Variants in AGBL4 observed in about 807,000 individuals in gnomAD.
AGBL4 encodes the protein cytosolic carboxypeptidase 6.
A neutral mutation model predicts 66.4 loss-of-function variants in AGBL4; 58 were observed. The observed-to-expected ratio is 0.87, with a 90% confidence interval of 0.71 to 1.09. The LOEUF is 1.09. Ranked by LOEUF, AGBL4 falls within the 50% of genes least tolerant of loss-of-function variation. The pLI is 0.00. For synonymous variants in AGBL4, 234 were observed against 222.9 expected (o/e 1.05, Z -0.44); for missense variants, 579 against 631.0 (o/e 0.92, Z 0.88).
At chr1:49,065,940 T>C (rs186177866) in intron 4 of AGBL4, among the ~76,000 whole-genome samples, 1 of 152,290 alleles carries the variant, frequency 6.6e-6, no homozygotes, top group East Asian at 1.9e-4. Flanking sequence ...AAGAGGATGG[T>C]TCTGACAGTA....
At chr1:48,730,831 C>T (rs961380911) in intron 6 of AGBL4, among the ~76,000 whole-genome samples, 12 of 152,034 alleles carry the variant, frequency 7.9e-5, no homozygotes, top group African/African-American at 2.2e-4. Flanking sequence ...AAAAATTAAC[C>T]GGAACGCAAT....
At chr1:48,687,437 C>T (rs111760420) in intron 6 of AGBL4, among the ~76,000 whole-genome samples, 1,569 of 152,286 alleles carry the variant, frequency 0.01, 28 homozygotes, top group African/African-American at 0.036. Flanking sequence ...GTCTGTGCTG[C>T]GGCACCCCCA....
chr1:49,422,492 A>C (rs1645567311), intron 3 of AGBL4, among the ~76,000 whole-genome samples: 2 of 152,220 alleles, frequency 1.3e-5, no homozygotes, highest in African/African-American at 4.8e-5. Context: ...GATTTTGAAA[A>C]TTGGGCAATA....
rs565821236 is a variant in AGBL4 at position 49,485,073 on chromosome 1, G to A, written c.282+212240C>T. On this transcript the variant is annotated intron_variant, in intron 3 of 13. Transcript: ENST00000371839. ...GCGATTCCTCAGGGATCTAGAACTAGAAATACCATTTGACCCAGCCATCCC... is the reference window on the plus strand; with the variant it reads ...GCGATTCCTCAGGGATCTAGAACTAAAAATACCATTTGACCCAGCCATCCC... 6.9e-3 allele frequency among the ~76,000 whole-genome samples: 1,049 copies of A among 152,024 alleles called. 13 individuals carry two copies. Among genetic ancestry groups the A allele is most frequent in the African/African-American group, 0.024 (977 of 41,512 alleles).
chr1:48,527,067 G>A, the AGBL4 span, among the ~76,000 whole-genome samples: 1 of 152,280 alleles, frequency 6.6e-6, no homozygotes, highest in South Asian at 2.1e-4. Flanking sequence ...GAGAGGTTGA[G>A]GCTTTGGGAA....
intron 1 of AGBL4, among the ~76,000 whole-genome samples, chr1:49,913,126 T>A (rs758834318): frequency 7.9e-5 from 12 of 152,150 alleles, no homozygotes; most frequent in Admixed American, 4.6e-4. Context: ...TCTTAACCAG[T>A]TCAAGCACAA....
intron 5 of AGBL4, among the ~76,000 whole-genome samples, chr1:48,910,987 C>A (rs548924460): frequency 2.4e-4 from 37 of 152,290 alleles, no homozygotes; most frequent in African/African-American, 2.2e-4. Context: ...GCTTTGTTGG[C>A]TAATATCAAA....
chr1:49,772,633 T>C (rs1288799139), intron 2 of AGBL4, among the ~76,000 whole-genome samples: 1 of 152,208 alleles, frequency 6.6e-6, no homozygotes, highest in African/African-American at 2.4e-5. Flanking sequence ...TAGTATTCTT[T>C]GCTCATGATT....
At chr1:49,450,488 T>C (rs749401801) in intron 3 of AGBL4, among the ~76,000 whole-genome samples, 2 of 152,092 alleles carry the variant, frequency 1.3e-5, no homozygotes, top group African/African-American at 2.4e-5. Context: ...TTCCCATAGT[T>C]GGAGAGATTA....
At chr1:49,786,425 T>A (rs1644456398) in intron 2 of AGBL4, among the ~76,000 whole-genome samples, 1 of 152,176 alleles carries the variant, frequency 6.6e-6, no homozygotes, top group Non-Finnish European at 1.5e-5. Flanking sequence ...TTCTGCTGAG[T>A]AACAATATCT....
intron 12 of AGBL4, among the ~76,000 whole-genome samples, chr1:48,535,975 G>A (rs1643964522): frequency 6.6e-6 from 1 of 152,108 alleles, no homozygotes. Flanking sequence ...AAGTAAGTAA[G>A]ACTGAGGACA....
intron 3 of AGBL4, among the ~76,000 whole-genome samples, chr1:49,668,983 A>G (rs1272748526): frequency 1.3e-5 from 2 of 152,176 alleles, no homozygotes; most frequent in Non-Finnish European, 2.9e-5. Flanking sequence ...TGTGCAGGAA[A>G]TCTATGATCA....
chr1:49,845,667 G>C, intron 2 of AGBL4: 1 of 1,606,370 alleles, frequency 6.2e-7, no homozygotes, highest in Non-Finnish European at 8.5e-7. Flanking sequence ...AGCCCTGTGA[G>C]TGCAGTGAGT....
At chr1:49,292,369 C>G (rs1048801422) in intron 3 of AGBL4, among the ~76,000 whole-genome samples, 1 of 152,182 alleles carries the variant, frequency 6.6e-6, no homozygotes, top group Non-Finnish European at 1.5e-5. Flanking sequence ...CCAGTTAGAC[C>G]CCACCTTCAA....
At position 49,948,086 on chromosome 1, in the gene AGBL4, ATATATG is replaced by A. The variant is rs1264595586; in HGVS notation, c.34+75671_34+75676del. Among the ~76,000 whole-genome samples, 13 of 91,102 alleles carry A rather than the reference ATATATG, an allele frequency of 1.4e-4. No homozygotes were observed. In the East Asian group the frequency reaches 2.1e-3, roughly 15 times the overall value. The allele number at this position is 91,102 out of a possible 152,430, so 59.8% of individuals were successfully genotyped here. On this transcript the variant is annotated intron_variant, in intron 1 of 13. Coordinates refer to ENST00000371839, the MANE Select transcript of AGBL4 (RefSeq NM_032785.4). ...TGTAAATATATGTAAATATATGTAA[ATATATG>A]TATATGTATATATATGTAAATGTAT...
At chr1:49,379,774 A>G (rs1048091435) in intron 3 of AGBL4, among the ~76,000 whole-genome samples, 11 of 151,748 alleles carry the variant, frequency 7.2e-5, no homozygotes, top group Middle Eastern at 3.2e-3. Context: ...TGCTGGATTC[A>G]GTTTGCCAGT....
intron 5 of AGBL4, among the ~76,000 whole-genome samples, chr1:48,894,461 C>T (rs1651302847): frequency 6.6e-6 from 1 of 152,162 alleles, no homozygotes; most frequent in Non-Finnish European, 1.5e-5. Flanking sequence ...AGAAAGTCAT[C>T]TTCAGGGGCC....
At chr1:48,590,738 C>T (rs945290312) in intron 10 of AGBL4, 95 bp downstream of exon 10, 15 of 1,368,146 alleles carry the variant, frequency 1.1e-5, no homozygotes, top group Admixed American at 2.5e-5. Context: ...TTAGGTGTCC[C>T]GTGGAGCTTA....
intron 6 of AGBL4, among the ~76,000 whole-genome samples, chr1:48,844,664 C>T (rs906582311): frequency 6.6e-6 from 1 of 152,180 alleles, no homozygotes; most frequent in African/African-American, 2.4e-5. Context: ...TTTAAAGACC[C>T]AACTGACATT....
Sources: allele counts gnomAD v4.1 joint callset (sites outside exome capture counted in the v4.1 genomes callset), GRCh38; gene constraint gnomAD v4.1.1; transcripts MANE v1.5; gene names NCBI Gene and HGNC (gene_info 2026-07-23, HGNC 2026-07-21).